Variants in CHM observed in about 807,000 individuals in gnomAD.
CHM encodes CHM Rab escort protein, also known as rab proteins geranylgeranyltransferase component A 1.
Under a neutral mutation model 49.0 loss-of-function variants are expected in CHM, and 10 were observed. The ratio of observed to expected loss-of-function variants is 0.20; its 90% CI spans 0.13 to 0.35. The LOEUF (loss-of-function observed/expected upper bound fraction) is 0.35, where lower values mean the gene tolerates loss of function less well. Among genes scored for constraint, CHM ranks in the 10% least tolerant of loss-of-function variants. The probability of loss-of-function intolerance (pLI) is 1.00; values close to 1 mark genes in which losing one functional copy is unlikely to be tolerated. For missense variants in CHM, 455 were observed against 478.4 expected, an observed-to-expected ratio of 0.95 and a Z score of 0.46; for synonymous variants, 184 against 167.5, an observed-to-expected ratio of 1.10 and a Z score of -0.76.
At chrX:85,912,452 T>C (rs1446055356) in intron 8 of CHM, among the ~76,000 whole-genome samples, 1 of 111,611 alleles carries the variant, frequency 9.0e-6, no homozygotes, top group Admixed American at 9.5e-5. Context: ...ATTCGGATGG[T>C]ATAACTATCT....
chrX:86,004,316 T>C (rs1239678910), intron 2 of CHM, among the ~76,000 whole-genome samples: 1 of 111,619 alleles, frequency 9.0e-6, no homozygotes, highest in East Asian at 2.8e-4. Context: ...ACATGCCAAA[T>C]TGTAAAGACC....
intron 1 of CHM, among the ~76,000 whole-genome samples, chrX:86,043,520 C>G (rs1934551515): frequency 9.1e-6 from 1 of 110,234 alleles, no homozygotes; most frequent in Non-Finnish European, 1.9e-5. Flanking sequence ...ATCCTCCCAC[C>G]TCAGCCTTCC....
chrX:85,878,602 C>T (rs935426445), intron 13 of CHM, among the ~76,000 whole-genome samples: 1 of 111,516 alleles, frequency 9.0e-6, no homozygotes, highest in Admixed American at 9.5e-5. Flanking sequence ...GGAATATATG[C>T]TTTTTGTACA....
chrX:85,905,407 G>C (rs1029681454), intron 9 of CHM, among the ~76,000 whole-genome samples: 2 of 111,705 alleles, frequency 1.8e-5, no homozygotes, highest in African/African-American at 6.5e-5. Context: ...GCCAAGCACT[G>C]TTCTAAGAGG....
intron 2 of CHM, among the ~76,000 whole-genome samples, chrX:86,006,250 G>A (rs993981163): frequency 9.0e-6 from 1 of 111,483 alleles, no homozygotes; most frequent in Non-Finnish European, 1.9e-5. Context: ...ACTAGGTATT[G>A]ATGGAACGAT....
chrX:85,906,017 A>G (rs12391037), intron 9 of CHM, among the ~76,000 whole-genome samples: 19,095 of 111,522 alleles, frequency 0.17, 1,557 homozygotes, highest in Non-Finnish European at 0.25. Context: ...TAAGTTCCTT[A>G]GAACAAAGAC....
intron 9 of CHM, among the ~76,000 whole-genome samples, chrX:85,902,753 G>A (rs1296593709): frequency 8.9e-6 from 1 of 111,761 alleles, no homozygotes; most frequent in Non-Finnish European, 1.9e-5. Context: ...TATACCATTT[G>A]AAACACAAAG....
At chrX:86,017,185 G>A (rs1933339207) in intron 2 of CHM, among the ~76,000 whole-genome samples, 1 of 112,370 alleles carries the variant, frequency 8.9e-6, no homozygotes, top group Non-Finnish European at 1.9e-5. Flanking sequence ...CTCATAGGTA[G>A]AAGGGACTTG....
chrX:85,889,534 T>C (rs1235630589), intron 12 of CHM, among the ~76,000 whole-genome samples: 1 of 111,691 alleles, frequency 9.0e-6, no homozygotes, highest in Non-Finnish European at 1.9e-5. Flanking sequence ...ACGGCTATTA[T>C]TAAAAATGCA....
intron 2 of CHM, among the ~76,000 whole-genome samples, chrX:85,988,066 C>T (rs1021781116): frequency 1.3e-4 from 15 of 111,954 alleles, no homozygotes; most frequent in African/African-American, 4.9e-4. Flanking sequence ...AAGAAAACTT[C>T]GGGCCAGTAT....
At chrX:86,017,620 A>T (rs769553954) in intron 2 of CHM, among the ~76,000 whole-genome samples, 25 of 111,700 alleles carry the variant, frequency 2.2e-4, no homozygotes, top group Admixed American at 6.7e-4. Flanking sequence ...CTGTAAGTCC[A>T]ATTAAACCTC....
At chrX:85,954,662 G>C (rs889628782) in intron 8 of CHM, among the ~76,000 whole-genome samples, 8 of 111,372 alleles carry the variant, frequency 7.2e-5, no homozygotes, top group Non-Finnish European at 1.1e-4. Flanking sequence ...GGGAGGCTGA[G>C]ATGGGTGGAT....
At chrX:85,882,677 G>GA (rs1001168846) in intron 12 of CHM, among the ~76,000 whole-genome samples, 3 of 111,640 alleles carry the variant, frequency 2.7e-5, no homozygotes, top group Non-Finnish European at 3.8e-5. Context: ...TTAGAAGTGA[G>GA]AAGTAACAAC....
intron 8 of CHM, among the ~76,000 whole-genome samples, chrX:85,923,862 C>G (rs934046372): frequency 9.1e-6 from 1 of 110,252 alleles, no homozygotes; most frequent in Non-Finnish European, 1.9e-5. Flanking sequence ...AGAAACTGAC[C>G]ACATGAAAGG....
chrX:85,977,492 A>T (rs1931340681), intron 4 of CHM, among the ~76,000 whole-genome samples: 2 of 112,259 alleles, frequency 1.8e-5, no homozygotes, highest in Admixed American at 9.5e-5. Context: ...GAAACTATTA[A>T]CCTCAATTAT....
intron 8 of CHM, among the ~76,000 whole-genome samples, chrX:85,943,161 T>A (rs1346086738): frequency 9.2e-6 from 1 of 108,819 alleles, no homozygotes; most frequent in Non-Finnish European, 1.9e-5. Context: ...TGGGAGAAAA[T>A]TTTTGCAATC....
Position 85,901,132 on chromosome X carries a change from A to G in CHM, c.1301T>C (p.Val434Ala). The change falls in exon 10 of 15, where the codon GTG (valine) becomes GCG (alanine). Residue 434 changes from valine (V) to alanine (A), a missense_variant. Coordinates refer to ENST00000357749, the MANE Select transcript of CHM (RefSeq NM_000390.4). ...GTTCTCAGGAAAGTAACTGTCCTCC[A>G]CGAGGAAATGCTCAGAGATTATTCT... is the stretch of plus-strand genomic sequence containing the variant. The part of the protein sequence containing the change: ...GQRIISEHFL[V>A]EDSYFPENMC... 1 of 1,205,480 alleles carries G rather than the reference A, an allele frequency of 8.3e-7. No homozygotes were observed. The highest frequency in any genetic ancestry group is 1.1e-6 in the Non-Finnish European group (1 of 891,742).
chrX:85,934,399 A>C, intron 8 of CHM, among the ~76,000 whole-genome samples: 1 of 91,980 alleles, frequency 1.1e-5, no homozygotes, highest in South Asian at 6.4e-4. Context: ...TACATTAGGT[A>C]TTTCTCCTAA....
At position 85,878,722 on chromosome X, in the gene CHM, T is replaced by C. The variant is rs765150396; in HGVS notation, c.1609+243A>G. ...TGTAACTATACATATAAATGTATAT[T>C]TTTGTGCTTAATTATGTTTTTTTGG... On this transcript the variant is annotated intron_variant, in intron 13 of 14. Coordinates refer to ENST00000357749, the MANE Select transcript of CHM (RefSeq NM_000390.4). Among the ~76,000 whole-genome samples the C allele has an allele frequency of 8.1e-5, 9 of 111,465 alleles. No homozygotes were observed. In the South Asian group the frequency reaches 3.0e-3, roughly 37 times the overall value.
Sources: allele counts gnomAD v4.1 joint callset (sites outside exome capture counted in the v4.1 genomes callset), GRCh38; gene constraint gnomAD v4.1.1; transcripts MANE v1.5; gene names NCBI Gene and HGNC (gene_info 2026-07-23, HGNC 2026-07-21).